Variants in SLC24A3 observed in about 807,000 individuals in gnomAD.
The protein encoded by SLC24A3 is sodium/potassium/calcium exchanger 3.
SLC24A3 carries 28 observed loss-of-function variants against 75.8 expected under a neutral mutation model. The ratio of observed to expected loss-of-function variants is 0.37; its 90% CI spans 0.27 to 0.51. The LOEUF (loss-of-function observed/expected upper bound fraction) is 0.51. SLC24A3 is among the 20% of genes least tolerant of loss of function. The pLI is 0.94. For missense variants in SLC24A3, 663 were observed against 847.8 expected (o/e 0.78, Z 2.71); for synonymous variants, 372 against 334.1 (o/e 1.11, Z -1.24).
intron 7 of SLC24A3, 49 bp downstream of exon 7, chr20:19,654,185 C>T: frequency 6.4e-7 from 1 of 1,565,836 alleles, no homozygotes; most frequent in Non-Finnish European, 8.8e-7. Context: ...TTTTAAGCAC[C>T]AGGGGTGGTG....
intron 6 of SLC24A3, among the ~76,000 whole-genome samples, chr20:19,646,844 TGTGTGTGC>T (rs1006853836): frequency 1.4e-5 from 2 of 148,078 alleles, no homozygotes; most frequent in South Asian, 2.1e-4. Context: ...CAAAACTCTG[TGTGTGTGC>T]GTGTGTGTGT....
intron 2 of SLC24A3, among the ~76,000 whole-genome samples, chr20:19,508,001 C>T (rs185754641): frequency 5.1e-4 from 78 of 152,194 alleles, no homozygotes; most frequent in African/African-American, 1.5e-3. Context: ...ACTGAGTCCA[C>T]GGTACACATG....
chr20:19,247,404 CTGAAATG>C, intron 1 of SLC24A3, among the ~76,000 whole-genome samples: 1 of 152,316 alleles, frequency 6.6e-6, no homozygotes, highest in South Asian at 2.1e-4. Context: ...AATCCTATTT[CTGAAATG>C]TCTTCCACTC....
chr20:19,500,003 C>G (rs1200486509), intron 2 of SLC24A3, among the ~76,000 whole-genome samples: 1 of 152,162 alleles, frequency 6.6e-6, no homozygotes, highest in Non-Finnish European at 1.5e-5. Flanking sequence ...CCCTGTTATC[C>G]TCCGCCAGCT....
chr20:19,565,150 G>A (rs557342812), intron 3 of SLC24A3, among the ~76,000 whole-genome samples: 124 of 152,322 alleles, frequency 8.1e-4, no homozygotes, highest in Non-Finnish European at 1.4e-3. Flanking sequence ...TCCCTCCTCT[G>A]TGGGTTTGTG....
intron 12 of SLC24A3, among the ~76,000 whole-genome samples, chr20:19,692,802 T>G (rs546764017): frequency 6.6e-6 from 1 of 152,276 alleles, no homozygotes; most frequent in East Asian, 1.9e-4. Context: ...TTCCACCAGG[T>G]GGCGCTGCGT....
At chr20:19,689,587 T>C (rs1313463764) in intron 12 of SLC24A3, among the ~76,000 whole-genome samples, 3 of 152,194 alleles carry the variant, frequency 2.0e-5, no homozygotes, top group African/African-American at 7.2e-5. Flanking sequence ...TTCACAGATA[T>C]TTATTAAATG....
chr20:19,396,951 C>T (rs532957290), intron 2 of SLC24A3, among the ~76,000 whole-genome samples: 8 of 152,296 alleles, frequency 5.3e-5, no homozygotes, highest in South Asian at 4.1e-4. Context: ...TATGTACCCA[C>T]GGCCTGTGTT....
intron 2 of SLC24A3, among the ~76,000 whole-genome samples, chr20:19,343,080 A>G (rs1293740980): frequency 2.0e-5 from 3 of 148,190 alleles, no homozygotes; most frequent in Non-Finnish European, 4.4e-5. Flanking sequence ...AAAAAAAAAA[A>G]AAAAGAAAAA....
intron 1 of SLC24A3, among the ~76,000 whole-genome samples, chr20:19,248,366 TA>T (rs1248254480): frequency 1.3e-5 from 2 of 152,154 alleles, no homozygotes; most frequent in Admixed American, 6.6e-5. Flanking sequence ...AAATAATTAA[TA>T]AAAAAATGAC....
intron 2 of SLC24A3, among the ~76,000 whole-genome samples, chr20:19,457,435 C>T (rs144452497): frequency 6.6e-6 from 1 of 152,192 alleles, no homozygotes; most frequent in African/African-American, 2.4e-5. Context: ...ACTTTTCACT[C>T]AAGATGAAAA....
At chr20:19,264,740 A>AAAAC (rs1555784826) in intron 1 of SLC24A3, among the ~76,000 whole-genome samples, 9 of 151,188 alleles carry the variant, frequency 6.0e-5, no homozygotes, top group African/African-American at 1.7e-4. Flanking sequence ...AAAAAAAAAA[A>AAAAC]AAAAACAAAA....
intron 3 of SLC24A3, among the ~76,000 whole-genome samples, chr20:19,521,936 G>A (rs1180927565): frequency 1.3e-5 from 2 of 151,372 alleles, no homozygotes; most frequent in African/African-American, 4.9e-5. Flanking sequence ...TTTTTTTCAT[G>A]GTCTTTCAAG....
At chr20:19,453,719 G>A (rs936312250) in intron 2 of SLC24A3, among the ~76,000 whole-genome samples, 2 of 152,140 alleles carry the variant, frequency 1.3e-5, no homozygotes, top group Non-Finnish European at 2.9e-5. Flanking sequence ...AGACCTGTGC[G>A]CCCACCCCAC....
chr20:19,644,131 C>A (rs2032107020), intron 6 of SLC24A3, among the ~76,000 whole-genome samples: 1 of 152,178 alleles, frequency 6.6e-6, no homozygotes, highest in East Asian at 1.9e-4. Context: ...GTGCTTCTAA[C>A]TTGCAGCTTC....
chr20:19,362,643 T>A (rs1985810228), intron 2 of SLC24A3, among the ~76,000 whole-genome samples: 1 of 152,162 alleles, frequency 6.6e-6, no homozygotes, highest in Non-Finnish European at 1.5e-5. Context: ...GTTTGGAGAA[T>A]TTCAGTTACC....
chr20:19,236,932 T>C (rs1982186067), intron 1 of SLC24A3, among the ~76,000 whole-genome samples: 1 of 152,154 alleles, frequency 6.6e-6, no homozygotes, highest in African/African-American at 2.4e-5. Flanking sequence ...CACTCTATTT[T>C]TCGGTAGAGT....
intron 2 of SLC24A3, among the ~76,000 whole-genome samples, chr20:19,424,771 A>C (rs1258798828): frequency 6.7e-6 from 1 of 149,176 alleles, no homozygotes; most frequent in East Asian, 2.0e-4. Context: ...AAAAAAAAAA[A>C]CTTGAGCATA....
chr20:19,558,619 G>T (rs1321276019), intron 3 of SLC24A3, among the ~76,000 whole-genome samples: 2 of 152,040 alleles, frequency 1.3e-5, no homozygotes, highest in African/African-American at 2.4e-5. Context: ...AACAGCTTGG[G>T]CCAGTTTAAG....
Sources: allele counts gnomAD v4.1 joint callset (sites outside exome capture counted in the v4.1 genomes callset), GRCh38; gene constraint gnomAD v4.1.1; transcripts MANE v1.5; gene names NCBI Gene and HGNC (gene_info 2026-07-23, HGNC 2026-07-21).